Variants in FHIP1A observed in about 807,000 individuals in gnomAD.
The protein encoded by FHIP1A is FHF complex subunit HOOK-interacting protein 1A.
Under a neutral mutation model 88.6 loss-of-function variants are expected in FHIP1A, and 61 were observed. The ratio of observed to expected loss-of-function variants is 0.69; its 90% CI spans 0.56 to 0.85. The LOEUF is 0.85. Among genes scored for constraint, FHIP1A ranks in the 40% least tolerant of loss-of-function variants. FHIP1A has a pLI of 0.00. For synonymous variants in FHIP1A, 478 were observed against 496.0 expected, an observed-to-expected ratio of 0.96 and a Z score of 0.48; for missense variants, 1,154 against 1,273.5, an observed-to-expected ratio of 0.91 and a Z score of 1.43.
intron 3 of FHIP1A, among the ~76,000 whole-genome samples, chr4:151,511,889 T>C (rs1731048764): frequency 6.6e-6 from 1 of 152,202 alleles, no homozygotes; most frequent in Non-Finnish European, 1.5e-5. Context: ...AGCAGTAACC[T>C]CTGCAGGCTT....
At chr4:151,440,006 A>G (rs1251113691) in intron 1 of FHIP1A, among the ~76,000 whole-genome samples, 1 of 152,212 alleles carries the variant, frequency 6.6e-6, no homozygotes, top group Non-Finnish European at 1.5e-5. Flanking sequence ...TGGGTCATTT[A>G]TAAAGAAAAG....
chr4:151,423,746 T>C (rs994152827), intron 1 of FHIP1A, among the ~76,000 whole-genome samples: 1 of 152,168 alleles, frequency 6.6e-6, no homozygotes, highest in African/African-American at 2.4e-5. Flanking sequence ...TCAAAAGGTG[T>C]GCAACATGTA....
chr4:151,544,118 T>C (rs1446824027), intron 3 of FHIP1A, among the ~76,000 whole-genome samples: 1 of 152,206 alleles, frequency 6.6e-6, no homozygotes, highest in African/African-American at 2.4e-5. Context: ...GTGGGATTTG[T>C]AGAATTCTAA....
chr4:151,606,704 T>G (rs1356722546), intron 7 of FHIP1A, among the ~76,000 whole-genome samples: 1 of 152,210 alleles, frequency 6.6e-6, no homozygotes, highest in Non-Finnish European at 1.5e-5. Flanking sequence ...GAACATTGTC[T>G]TGTTCTATTT....
At chr4:151,512,151 C>A (rs945160007) in intron 3 of FHIP1A, among the ~76,000 whole-genome samples, 6 of 152,230 alleles carry the variant, frequency 3.9e-5, no homozygotes, top group Admixed American at 3.3e-4. Context: ...CTTCTGCAGC[C>A]ACCACTGCTG....
intron 4 of FHIP1A, among the ~76,000 whole-genome samples, chr4:151,569,998 T>C (rs1733537383): frequency 6.6e-6 from 1 of 152,176 alleles, no homozygotes; most frequent in African/African-American, 2.4e-5. Context: ...TGACTTCCTG[T>C]CACCTTCTGA....
intron 7 of FHIP1A, among the ~76,000 whole-genome samples, chr4:151,599,532 G>T (rs143911137): frequency 6.6e-6 from 1 of 152,294 alleles, no homozygotes; most frequent in Non-Finnish European, 1.5e-5. Flanking sequence ...GGCAGAGAAG[G>T]CTGGCTGGAA....
chr4:151,479,580 G>A (rs541685293), intron 2 of FHIP1A, among the ~76,000 whole-genome samples: 1 of 152,078 alleles, frequency 6.6e-6, no homozygotes, highest in South Asian at 2.1e-4. Context: ...CTCTTCGTTG[G>A]TTGGTTGGTT....
chr4:151,592,389 C>T (rs908689524), intron 7 of FHIP1A, among the ~76,000 whole-genome samples: 2 of 152,194 alleles, frequency 1.3e-5, no homozygotes, highest in African/African-American at 4.8e-5. Context: ...CCGCCTCAGC[C>T]TCCCAAAGTG....
At chr4:151,482,881 G>GT (rs1266688182) in intron 3 of FHIP1A, among the ~76,000 whole-genome samples, 1 of 151,940 alleles carries the variant, frequency 6.6e-6, no homozygotes, top group Admixed American at 6.6e-5. Context: ...TAAGCATCCT[G>GT]TTTTCTCTAG....
intron 1 of FHIP1A, among the ~76,000 whole-genome samples, chr4:151,431,489 T>C (rs892302502): frequency 2.7e-5 from 4 of 149,424 alleles, no homozygotes; most frequent in Non-Finnish European, 6.0e-5. Context: ...TCTTATCACT[T>C]ACCTGACTGT....
At chr4:151,586,209 C>T (rs770880294) in intron 5 of FHIP1A, among the ~76,000 whole-genome samples, 2 of 152,100 alleles carry the variant, frequency 1.3e-5, no homozygotes, top group Non-Finnish European at 2.9e-5. Context: ...AGGAGTTTCT[C>T]CTCTAGACTG....
chr4:151,547,072 C>T (rs557863664), intron 3 of FHIP1A, among the ~76,000 whole-genome samples: 1 of 152,270 alleles, frequency 6.6e-6, no homozygotes, highest in African/African-American at 2.4e-5. Flanking sequence ...ATTACTGCTA[C>T]TCGGAAACCA....
In FHIP1A at chr4:151,566,214, T is replaced by C. The variant is rs1578760364; in HGVS notation, c.-46T>C. The C allele has an allele frequency of 7.9e-7, 1 of 1,271,126 alleles. No individual in the cohort carries two copies. The highest frequency in any genetic ancestry group is 1.1e-6 in the Non-Finnish European group (1 of 925,394). 78.7% of individuals were successfully genotyped at this position (1,271,126 alleles called of 1,614,324 possible). ...AAGTTAGTGACGGCTTACCAAATTT[T>C]AATGAAAATTAAATATGACTTAGAA... On this transcript the variant is annotated 5_prime_UTR_variant, in exon 4 of 14. Transcript: ENST00000435205.
chr4:151,527,309 G>T (rs1229170737), intron 3 of FHIP1A, among the ~76,000 whole-genome samples: 1 of 152,216 alleles, frequency 6.6e-6, no homozygotes, highest in Admixed American at 6.5e-5. Flanking sequence ...ATCACTCGCG[G>T]TTAGGAGCTG....
At position 151,649,574 on chromosome 4, in the gene FHIP1A, C is replaced by T; in HGVS notation, c.1533C>T (p.Ile511=). 6.4e-7 allele frequency: 1 copy of T among 1,551,720 alleles called. No homozygotes were observed. The highest frequency in any genetic ancestry group is 8.7e-7 in the Non-Finnish European group (1 of 1,146,982). ...LQYLWEAHTN[I]LRCMRDCRVW... ...ACCTGTGGGAGGCCCACACCAACAT[C>T]CTCCGCTGCATGAGGGACTGCCGTG... The change falls in exon 11 of 14, where the codon ATC becomes ATT. Residue 511 remains isoleucine, a synonymous_variant. Transcript: ENST00000435205.
In FHIP1A at chr4:151,603,935, T is replaced by C. The variant is rs1249775936; in HGVS notation, c.978+15009T>C. On this transcript the variant is annotated intron_variant, in intron 7 of 13. Coordinates refer to ENST00000435205, the MANE Select transcript of FHIP1A (RefSeq NM_001109977.3). Reference sequence around the variant, plus strand: ...CATTACTGCAACTTCTTTCTTCAGATTATCTCACACAAAACTGCTGGATTA... The same window carrying C: ...CATTACTGCAACTTCTTTCTTCAGACTATCTCACACAAAACTGCTGGATTA... Among the ~76,000 whole-genome samples, 4 of 152,234 alleles carry C rather than the reference T, an allele frequency of 2.6e-5. No individual in the cohort carries two copies. The East Asian group carries it at 7.7e-4, about 29-fold the overall frequency.
At chr4:151,473,323 A>G (rs775354704) in intron 2 of FHIP1A, among the ~76,000 whole-genome samples, 1 of 151,946 alleles carries the variant, frequency 6.6e-6, no homozygotes, top group Admixed American at 6.6e-5. Context: ...TCTTTTTTTT[A>G]AAATTTATTT....
rs1253496426 is a variant in FHIP1A at position 151,599,632 on chromosome 4, A to C, written c.978+10706A>C. On this transcript the variant is annotated intron_variant, in intron 7 of 13. Coordinates refer to ENST00000435205, the MANE Select transcript of FHIP1A (RefSeq NM_001109977.3). ...CTGCCTTAGTATGCTTACTATACTC[A>C]GTGCTTCCAGTCACTGGCTGGGAAC... Among the ~76,000 whole-genome samples, 3 of 152,304 alleles carry C rather than the reference A, an allele frequency of 2.0e-5. No homozygotes were observed. In the East Asian group the frequency reaches 5.8e-4, roughly 29 times the overall value.
Sources: gnomAD v4.1 joint callset for allele counts (sites outside exome capture counted in the v4.1 genomes callset) on GRCh38, gnomAD v4.1.1 for gene constraint, MANE v1.5 for transcripts, NCBI Gene and HGNC (gene_info 2026-07-23, HGNC 2026-07-21) for gene names.